Variants in NAA15 observed in about 807,000 individuals in gnomAD.
NAA15 encodes the protein N-terminal acetyltransferase.
Under a neutral mutation model 114.0 loss-of-function variants are expected in NAA15, and 34 were observed. That is an observed-to-expected ratio of 0.30 (90% CI 0.23 to 0.40). The LOEUF (loss-of-function observed/expected upper bound fraction) is 0.40, where lower values mean the gene tolerates loss of function less well. NAA15 is among the 10% of genes least tolerant of loss of function. The pLI is 1.00. For synonymous variants in NAA15, 340 were observed against 338.0 expected (o/e 1.01, Z -0.06); for missense variants, 658 against 1,004.5 (o/e 0.66, Z 4.66).
At chr4:139,373,245 C>G (rs1261373996) in intron 15 of NAA15, among the ~76,000 whole-genome samples, 1 of 152,084 alleles carries the variant, frequency 6.6e-6, no homozygotes, top group Non-Finnish European at 1.5e-5. Context: ...ATGGTAAAGT[C>G]TACTACACAC....
At chr4:139,371,496 AGCACAC>A (rs1470957748) in intron 15 of NAA15, among the ~76,000 whole-genome samples, 13 of 41,818 alleles carry the variant, frequency 3.1e-4, no homozygotes, top group Non-Finnish European at 6.8e-4. Context: ...AAAGAAAAGT[AGCACAC>A]ACACACACAC....
chr4:139,340,016 C>T (rs750346784), intron 3 of NAA15, among the ~76,000 whole-genome samples: 2 of 152,072 alleles, frequency 1.3e-5, no homozygotes, highest in East Asian at 1.9e-4. Context: ...TGATGACCTA[C>T]GTCTTAGTTA....
At chr4:139,346,316 A>G (rs1320697156) in intron 6 of NAA15, among the ~76,000 whole-genome samples, 1 of 152,188 alleles carries the variant, frequency 6.6e-6, no homozygotes, top group Non-Finnish European at 1.5e-5. Flanking sequence ...AAATAAGGCT[A>G]TCAGCTCATT....
intron 18 of NAA15, among the ~76,000 whole-genome samples, chr4:139,385,518 A>G (rs2111008644): frequency 6.6e-6 from 1 of 151,986 alleles, no homozygotes; most frequent in African/African-American, 2.4e-5. Context: ...AGATAGGACC[A>G]TCGTCTTCCA....
chr4:139,321,638 ATTTTTTT>A (rs35673045), intron 1 of NAA15, among the ~76,000 whole-genome samples: 3 of 132,544 alleles, frequency 2.3e-5, no homozygotes, highest in African/African-American at 8.4e-5. Flanking sequence ...CGCCTGGCTA[ATTTTTTT>A]TTTTTTTTTT....
Position 139,301,718 on chromosome 4 carries a change from G to T in NAA15, c.-60G>T. On this transcript the variant is annotated 5_prime_UTR_variant, in exon 1 of 20. Coordinates refer to ENST00000296543, the MANE Select transcript of NAA15 (RefSeq NM_057175.5). ...CAGCTACGGAACGGCAGCGGCGGCG[G>T]TCGGACAAACTGACTGACCGAGCCG... 6.6e-7 allele frequency: 1 copy of T among 1,524,070 alleles called. No homozygotes were observed. The highest frequency in any genetic ancestry group is 2.5e-5 in the East Asian group (1 of 39,574). 94.4% of individuals were successfully genotyped at this position (1,524,070 alleles called of 1,614,324 possible). A position where few individuals can be genotyped will look rare whatever the true frequency, so the allele number is the denominator to read the frequency against.
At position 139,301,567 on chromosome 4, in the gene NAA15, A is replaced by AGGC. The variant is rs1406705441; in HGVS notation, c.-204_-202dup. 3.4e-5 allele frequency: 20 copies of AGGC among 583,580 alleles called. No homozygotes were observed. In the South Asian group the frequency reaches 4.0e-4, roughly 12 times the overall value. The allele number at this position is 583,580 out of a possible 1,614,324, so 36.2% of individuals were successfully genotyped here. A position where few individuals can be genotyped will look rare whatever the true frequency, so the allele number is the denominator to read the frequency against. Reference sequence around the variant, plus strand: ...CGCCGACGGAGACCCGTAGTGGGGGAGGCGGCGGCAGCGTTAAGTGAGAAA... The same window carrying AGGC: ...CGCCGACGGAGACCCGTAGTGGGGGAGGCGGCGGCGGCAGCGTTAAGTGAGAAA... On this transcript the variant is annotated 5_prime_UTR_variant, in exon 1 of 20. Coordinates refer to ENST00000296543, the MANE Select transcript of NAA15 (RefSeq NM_057175.5).
At chr4:139,324,235 T>G (rs1469940392) in intron 1 of NAA15, among the ~76,000 whole-genome samples, 1 of 152,226 alleles carries the variant, frequency 6.6e-6, no homozygotes, top group Non-Finnish European at 1.5e-5. Context: ...AGCAGAGTGT[T>G]AAAATTTTAA....
chr4:139,329,043 T>A (rs529675670), intron 1 of NAA15, among the ~76,000 whole-genome samples: 1 of 139,174 alleles, frequency 7.2e-6, no homozygotes, highest in South Asian at 2.2e-4. Flanking sequence ...CTAATTTTTT[T>A]TTTTTTTTTT....
intron 14 of NAA15, among the ~76,000 whole-genome samples, chr4:139,362,311 C>T (rs977284939): frequency 2.6e-5 from 4 of 152,112 alleles, no homozygotes; most frequent in Admixed American, 6.5e-5. Context: ...GATGGAGTCT[C>T]GCTCTGTTTC....
intron 11 of NAA15, 81 bp from the exon 12 acceptor site, chr4:139,359,662 T>G: frequency 1.4e-6 from 2 of 1,383,694 alleles, no homozygotes; most frequent in East Asian, 5.0e-5. Flanking sequence ...TGTTTTTAAA[T>G]TATTTATCAA....
rs199718065 is a variant in NAA15 at position 139,378,805 on chromosome 4, T to A, written c.2106T>A (p.Asp702Glu). The A allele has an allele frequency of 2.0e-5, 31 of 1,555,516 alleles. No individual in the cohort carries two copies. Among genetic ancestry groups the A allele is most frequent in the Non-Finnish European group, 2.6e-5 (30 of 1,162,392 alleles). ...CAGTAAAGAGGGCATTTGCTATTGA[T>A]TCTAGTCATCCCTGGCTTCATGAGT... ...LQSVKRAFAIDSSHPWLHECM... is the reference protein window; with the variant it reads ...LQSVKRAFAIESSHPWLHECM... Residue 702 changes from aspartate to glutamate, a missense_variant, in exon 17 of 20, where the codon GAT becomes GAA. Transcript: ENST00000296543.
intron 16 of NAA15, 24 bp from the exon 17 acceptor site, chr4:139,378,732 A>C: frequency 6.8e-7 from 1 of 1,465,714 alleles, no homozygotes; most frequent in Non-Finnish European, 9.2e-7. Flanking sequence ...TGATCAAAAT[A>C]TATCTTACTT....
At chr4:139,346,315 T>C (rs922676916) in intron 6 of NAA15, among the ~76,000 whole-genome samples, 1 of 152,192 alleles carries the variant, frequency 6.6e-6, no homozygotes, top group African/African-American at 2.4e-5. Flanking sequence ...GAAATAAGGC[T>C]ATCAGCTCAT....
rs1748957063 is a variant in NAA15 at position 139,388,049 on chromosome 4, T to A, written c.2566T>A (p.Ser856Thr). 6.2e-7 allele frequency: 1 copy of A among 1,613,708 alleles called. No individual in the cohort carries two copies. The highest frequency in any genetic ancestry group is 8.5e-7 in the Non-Finnish European group (1 of 1,179,866). ...DMKITVNGDS[S>T]AEAEELANEI ...GAAGATCACAGTTAATGGAGATAGT[T>A]CTGCAGAAGCTGAAGAACTGGCCAA... The change falls in exon 20 of 20, where the codon TCT (serine) becomes ACT (threonine). Residue 856 changes from serine to threonine, a missense_variant. By Grantham distance (58) the Ser-to-Thr change is moderately conservative. This residue lies in a region of NAA15 where 275 missense variants were observed against 371.1 expected (regional missense o/e 0.74). Coordinates refer to ENST00000296543, the MANE Select transcript of NAA15 (RefSeq NM_057175.5).
intron 14 of NAA15, among the ~76,000 whole-genome samples, chr4:139,369,276 C>T (rs1748366818): frequency 6.6e-6 from 1 of 152,178 alleles, no homozygotes; most frequent in South Asian, 2.1e-4. Context: ...TCCTCTGAAG[C>T]CATAGAGATA....
intron 1 of NAA15, among the ~76,000 whole-genome samples, chr4:139,310,801 T>G (rs1447218564): frequency 6.6e-6 from 1 of 151,656 alleles, no homozygotes; most frequent in Non-Finnish European, 1.5e-5. Context: ...GTATTTTTAG[T>G]ACAGGCGGGG....
rs183482028 is a variant in NAA15 at position 139,378,486 on chromosome 4, T to A, written c.2057-270T>A. 4.8e-3 allele frequency among the ~76,000 whole-genome samples: 738 copies of A among 152,362 alleles called. 8 individuals are homozygous for A. Among genetic ancestry groups the A allele is most frequent in the African/African-American group, 0.017 (708 of 41,584 alleles). On this transcript the variant is annotated intron_variant, in intron 16 of 19. Transcript: ENST00000296543. ...AAGGAAGTTAGGAAATGAAGGCACT[T>A]CAGATTTTCTTTGCTTATATGTCAT...
chr4:139,390,167 T>C lies in NAA15; in HGVS notation c.*2083T>C, dbSNP rs1479865893. The stretch of plus-strand genomic sequence containing the variant: ...AATGTTCAAATGATGTAGATTGTCT[T>C]AGAATGAATATTCATAAGTACTCAG... On this transcript the variant is annotated 3_prime_UTR_variant, in exon 20 of 20. Transcript: ENST00000296543. 1 of 152,680 alleles carries C rather than the reference T, an allele frequency of 6.5e-6. No homozygotes were observed. Among genetic ancestry groups the C allele is most frequent in the Non-Finnish European group, 1.5e-5 (1 of 68,040 alleles). 9.5% of individuals were successfully genotyped at this position (152,680 alleles called of 1,614,324 possible).
Sources: gnomAD v4.1 joint callset for allele counts (sites outside exome capture counted in the v4.1 genomes callset) on GRCh38, gnomAD v4.1.1 for gene constraint, gnomAD v4.1.1 regional missense constraint, MANE v1.5 for transcripts, NCBI Gene and HGNC (gene_info 2026-07-23, HGNC 2026-07-21) for gene names.